NKAIN1: variants seen among roughly 807,000 people sequenced by gnomAD.
NKAIN1 encodes sodium/potassium-transporting ATPase subunit beta-1-interacting protein 1.
NKAIN1 carries 13 observed loss-of-function variants against 31.6 expected under a neutral mutation model. The ratio of observed to expected loss-of-function variants is 0.41; its 90% CI spans 0.27 to 0.65. The LOEUF is 0.65. Ranked by LOEUF, NKAIN1 falls within the 30% of genes least tolerant of loss-of-function variation. NKAIN1 has a pLI of 0.30. For synonymous variants in NKAIN1, 104 were observed against 109.0 expected (o/e 0.95, Z 0.28); for missense variants, 193 against 262.2 (o/e 0.74, Z 1.82).
chr1:31,186,387 C>A (rs1026784845), intron 2 of NKAIN1, among the ~76,000 whole-genome samples: 23 of 119,462 alleles, frequency 1.9e-4, no homozygotes, highest in Non-Finnish European at 3.5e-4. Context: ...AGTCTTAATT[C>A]TTTTGTGTTT....
At chr1:31,215,181 G>GCAA (rs1200745243) in intron 1 of NKAIN1, among the ~76,000 whole-genome samples, 1 of 152,118 alleles carries the variant, frequency 6.6e-6, no homozygotes, top group Non-Finnish European at 1.5e-5. Flanking sequence ...TATGGCAACA[G>GCAA]CAACCACTTC....
In NKAIN1 at chr1:31,181,240, T is replaced by C. The variant is rs1299305289; in HGVS notation, c.*463A>G. The stretch of plus-strand genomic sequence containing the variant: ...TAGACGTCACAGTCAGTGATGGACC[T>C]GCGATTAGAACCCAGGAATCCTGCT... On this transcript the variant is annotated 3_prime_UTR_variant, in exon 7 of 7. Transcript: ENST00000373736. 1.2e-5 allele frequency: 2 copies of C among 163,010 alleles called. No individual in the cohort carries two copies. Among genetic ancestry groups the C allele is most frequent in the Non-Finnish European group, 2.6e-5 (2 of 75,756 alleles). 10.1% of individuals were successfully genotyped at this position (163,010 alleles called of 1,614,324 possible).
intron 1 of NKAIN1, among the ~76,000 whole-genome samples, chr1:31,224,255 C>G (rs868583516): frequency 1.2e-4 from 19 of 152,144 alleles, no homozygotes; most frequent in Non-Finnish European, 2.5e-4. Flanking sequence ...TTGCTTTCTT[C>G]CAGGCAGTTT....
chr1:31,184,714 C>T (rs1174486397), intron 3 of NKAIN1, among the ~76,000 whole-genome samples: 1 of 152,176 alleles, frequency 6.6e-6, no homozygotes, highest in African/African-American at 2.4e-5. Context: ...CATATTTTGC[C>T]TCTTTTATAT....
At position 31,201,381 on chromosome 1, in the gene NKAIN1, C is replaced by T. The variant is rs1397291164; in HGVS notation, c.55-13194G>A. On this transcript the variant is annotated intron_variant, in intron 1 of 6. Coordinates refer to ENST00000373736, the MANE Select transcript of NKAIN1 (RefSeq NM_024522.3). Reference sequence around the variant, plus strand: ...CCCTATTTTTTTTTTTTTTTTGAGACGGAGTCTCTCTCTGTCGCCGAGGCT... The same window carrying T: ...CCCTATTTTTTTTTTTTTTTTGAGATGGAGTCTCTCTCTGTCGCCGAGGCT... 2.3e-4 allele frequency among the ~76,000 whole-genome samples: 31 copies of T among 132,642 alleles called. 1 individual carries two copies. Among genetic ancestry groups the T allele is most frequent in the Admixed American group, 1.4e-3 (17 of 11,914 alleles). 87.0% of individuals were successfully genotyped at this position (132,642 alleles called of 152,430 possible). A position where few individuals can be genotyped will look rare whatever the true frequency, so the allele number is the denominator to read the frequency against.
chr1:31,196,406 G>C (rs1030663510), intron 1 of NKAIN1, among the ~76,000 whole-genome samples: 1 of 151,876 alleles, frequency 6.6e-6, no homozygotes, highest in Non-Finnish European at 1.5e-5. Context: ...CCAGCTACTC[G>C]GGAGGCTGAG....
At chr1:31,200,025 G>GCACACACACA (rs3046275) in intron 1 of NKAIN1, among the ~76,000 whole-genome samples, 946 of 49,428 alleles carry the variant, frequency 0.019, 13 homozygotes, top group African/African-American at 0.03. Context: ...ACACACACAC[G>GCACACACACA]CACACACACA....
chr1:31,232,759 G>C (rs1022644050), intron 1 of NKAIN1, among the ~76,000 whole-genome samples: 1 of 151,990 alleles, frequency 6.6e-6, no homozygotes, highest in Non-Finnish European at 1.5e-5. Context: ...CCAGTGATCA[G>C]AGCTGACTAT....
chr1:31,196,131 C>G (rs1645324630), intron 1 of NKAIN1, among the ~76,000 whole-genome samples: 1 of 152,044 alleles, frequency 6.6e-6, no homozygotes, highest in Non-Finnish European at 1.5e-5. Context: ...GTAATCCCAG[C>G]ACTTTGGGAG....
At chr1:31,232,414 TATATATATATAGAG>T (rs1336153884) in intron 1 of NKAIN1, among the ~76,000 whole-genome samples, 2 of 33,872 alleles carry the variant, frequency 5.9e-5, no homozygotes, top group Admixed American at 4.9e-4. Flanking sequence ...TATATATATA[TATATATATATAGAG>T]AGAGAGAGAG....
chr1:31,182,698 G>T, intron 4 of NKAIN1, 108 bp from the exon 5 acceptor site: 1 of 1,141,578 alleles, frequency 8.8e-7, no homozygotes. Flanking sequence ...GGCATGCCAG[G>T]ATGAAGGCAA....
intron 1 of NKAIN1, 60 bp from the exon 2 acceptor site, chr1:31,188,247 C>T: frequency 6.5e-7 from 1 of 1,530,732 alleles, no homozygotes; most frequent in Admixed American, 2.0e-5. Context: ...ACAGGGATTC[C>T]TGCTTGACCT....
At chr1:31,184,059 G>T in intron 3 of NKAIN1, 45 bp from the exon 4 acceptor site, 1 of 1,550,196 alleles carries the variant, frequency 6.5e-7, no homozygotes, top group Non-Finnish European at 8.8e-7. Context: ...GGGAGAGGGA[G>T]GGGGGAGCTA....
At chr1:31,207,448 G>A (rs1645433637) in intron 1 of NKAIN1, among the ~76,000 whole-genome samples, 1 of 152,200 alleles carries the variant, frequency 6.6e-6, no homozygotes, top group Non-Finnish European at 1.5e-5. Flanking sequence ...TCCCTGTAGT[G>A]CAGACTCTGG....
At chr1:31,188,437 C>T (rs2124166839) in intron 1 of NKAIN1, 1 of 456,582 alleles carries the variant, frequency 2.2e-6, no homozygotes, top group East Asian at 3.7e-5. Context: ...AGGCCCTTCC[C>T]TCTAGCGGCT....
At chr1:31,203,738 C>T (rs999056258) in intron 1 of NKAIN1, among the ~76,000 whole-genome samples, 2 of 152,030 alleles carry the variant, frequency 1.3e-5, no homozygotes, top group African/African-American at 4.8e-5. Flanking sequence ...GCACCCACCA[C>T]CACGCCTGGC....
chr1:31,228,115 G>C (rs1474200594), intron 1 of NKAIN1, among the ~76,000 whole-genome samples: 4 of 152,172 alleles, frequency 2.6e-5, no homozygotes, highest in Non-Finnish European at 4.4e-5. Flanking sequence ...ATAAACAGAG[G>C]CTGCAGTAGA....
chr1:31,190,634 C>T (rs961607666), intron 1 of NKAIN1, among the ~76,000 whole-genome samples: 2 of 152,218 alleles, frequency 1.3e-5, no homozygotes, highest in East Asian at 1.9e-4. Flanking sequence ...CCACTTTCCC[C>T]GCTGGGTTTG....
intron 1 of NKAIN1, among the ~76,000 whole-genome samples, chr1:31,191,059 G>C (rs1645280482): frequency 6.6e-6 from 1 of 152,230 alleles, no homozygotes; most frequent in Admixed American, 6.5e-5. Flanking sequence ...GGGAGGCCAA[G>C]GTCGGCGGAC....
Sources: gnomAD v4.1 joint callset for allele counts (sites outside exome capture counted in the v4.1 genomes callset) on GRCh38, gnomAD v4.1.1 for gene constraint, MANE v1.5 for transcripts, NCBI Gene and HGNC (gene_info 2026-07-23, HGNC 2026-07-21) for gene names.